SGMS1: variants seen among roughly 807,000 people sequenced by gnomAD.
The protein encoded by SGMS1 is phosphatidylcholine:ceramide cholinephosphotransferase 1.
In SGMS1, 13 loss-of-function variants were observed where a neutral mutation model predicts 46.2. The observed-to-expected ratio is 0.28, with a 90% CI of 0.18 to 0.45. The LOEUF is 0.45. SGMS1 is among the 20% of genes least tolerant of loss of function. The pLI, the probability that SGMS1 is intolerant of heterozygous loss-of-function variation, is 1.00. For missense variants in SGMS1, 324 were observed against 519.9 expected (o/e 0.62, Z 3.66); for synonymous variants, 203 against 187.8 (o/e 1.08, Z -0.66).
chr10:50,604,326 T>C lies in SGMS1; in HGVS notation c.-683-14079A>G, dbSNP rs192157121. Among the ~76,000 whole-genome samples the C allele has an allele frequency of 1.7e-3, 260 of 152,226 alleles. 3 individuals are homozygous for C. In the East Asian group the frequency reaches 0.04, roughly 23 times the overall value. The stretch of plus-strand genomic sequence containing the variant: ...GGCTGAACCGTCGGTGAAATTTACA[T>C]GTGCAACCCAAGCAGAGGTTCCAGG... On this transcript the variant is annotated intron_variant, in intron 1 of 10. Coordinates refer to ENST00000361781, the MANE Select transcript of SGMS1 (RefSeq NM_147156.4).
At chr10:50,402,810 T>C (rs1848960448) in intron 6 of SGMS1, among the ~76,000 whole-genome samples, 1 of 152,074 alleles carries the variant, frequency 6.6e-6, no homozygotes, top group South Asian at 2.1e-4. Context: ...TATAGTGAAG[T>C]CTGGGATATT....
At chr10:50,414,426 T>C (rs938888485) in intron 6 of SGMS1, among the ~76,000 whole-genome samples, 1 of 152,170 alleles carries the variant, frequency 6.6e-6, no homozygotes, top group Non-Finnish European at 1.5e-5. Context: ...ACATTCTGGA[T>C]ATGTGTTTAA....
At chr10:50,569,277 T>A (rs1838316966) in intron 2 of SGMS1, among the ~76,000 whole-genome samples, 1 of 138,826 alleles carries the variant, frequency 7.2e-6, no homozygotes, top group Non-Finnish European at 1.5e-5. Context: ...ATTCTGCACA[T>A]GTATCCCAGA....
At chr10:50,602,568 G>A (rs1838658731) in intron 1 of SGMS1, among the ~76,000 whole-genome samples, 1 of 152,142 alleles carries the variant, frequency 6.6e-6, no homozygotes, top group Non-Finnish European at 1.5e-5. Context: ...ACACTTATCA[G>A]GCACTCTCCT....
intron 8 of SGMS1, 129 bp from the exon 9 acceptor site, chr10:50,311,544 G>C: frequency 2.1e-6 from 1 of 476,948 alleles, no homozygotes. Context: ...CAGGAAGTTT[G>C]CCCACTCAGT....
intron 1 of SGMS1, among the ~76,000 whole-genome samples, chr10:50,596,343 A>AT (rs1201362315): frequency 3.3e-5 from 5 of 152,122 alleles, no homozygotes; most frequent in Admixed American, 6.5e-5. Context: ...CACCTGGCTA[A>AT]TTTTTTGTAT....
chr10:50,415,344 G>C (rs1274808679), intron 6 of SGMS1, among the ~76,000 whole-genome samples: 2 of 152,138 alleles, frequency 1.3e-5, no homozygotes, highest in African/African-American at 4.8e-5. Flanking sequence ...AGACACCAAC[G>C]TAAGTTATGA....
chr10:50,461,913 C>G (rs1194816983), intron 4 of SGMS1, among the ~76,000 whole-genome samples: 2 of 152,078 alleles, frequency 1.3e-5, no homozygotes, highest in African/African-American at 2.4e-5. Context: ...TGTAAATAAT[C>G]AAACATAGGT....
intron 2 of SGMS1, among the ~76,000 whole-genome samples, chr10:50,562,372 AC>A (rs1487960868): frequency 1.3e-5 from 2 of 151,032 alleles, no homozygotes; most frequent in Non-Finnish European, 3.0e-5. Context: ...GCGCACACAC[AC>A]ACACTCACAC....
At chr10:50,313,607 G>A (rs1293154943) in intron 8 of SGMS1, among the ~76,000 whole-genome samples, 2 of 152,082 alleles carry the variant, frequency 1.3e-5, no homozygotes, top group Non-Finnish European at 2.9e-5. Context: ...TTATAACAAT[G>A]GATAAAATGT....
chr10:50,586,456 G>T (rs12570382), intron 2 of SGMS1, among the ~76,000 whole-genome samples: 5,618 of 152,284 alleles, frequency 0.037, 514 homozygotes, highest in East Asian at 0.34. Flanking sequence ...TATACTACAG[G>T]CTCCTCAAGG....
chr10:50,482,594 C>T (rs1248894918), intron 3 of SGMS1, among the ~76,000 whole-genome samples: 1 of 152,304 alleles, frequency 6.6e-6, no homozygotes, highest in African/African-American at 2.4e-5. Context: ...CAAAATCACA[C>T]TGAAGTACAC....
chr10:50,509,856 T>C (rs949667274), intron 3 of SGMS1, among the ~76,000 whole-genome samples: 2 of 152,204 alleles, frequency 1.3e-5, no homozygotes, highest in East Asian at 1.9e-4. Context: ...AAGTGCATCA[T>C]CAATTATTTA....
intron 6 of SGMS1, among the ~76,000 whole-genome samples, chr10:50,375,088 A>C (rs1848503516): frequency 6.6e-6 from 1 of 152,104 alleles, no homozygotes; most frequent in South Asian, 2.1e-4. Context: ...CTGTGACCAC[A>C]GGTTAGGTTA....
At chr10:50,359,682 CAAAA>C (rs34496581) in intron 6 of SGMS1, among the ~76,000 whole-genome samples, 3,178 of 140,334 alleles carry the variant, frequency 0.023, 120 homozygotes, top group African/African-American at 0.079. Flanking sequence ...TTCATTATGG[CAAAA>C]AAAAAAAAAC....
At chr10:50,552,658 C>T (rs1321882519) in intron 2 of SGMS1, among the ~76,000 whole-genome samples, 5 of 152,200 alleles carry the variant, frequency 3.3e-5, no homozygotes, top group Non-Finnish European at 5.9e-5. Flanking sequence ...ATATTTGCCA[C>T]TGTAGTAGGC....
At chr10:50,538,600 T>C (rs1838025236) in intron 2 of SGMS1, among the ~76,000 whole-genome samples, 1 of 152,128 alleles carries the variant, frequency 6.6e-6, no homozygotes, top group African/African-American at 2.4e-5. Context: ...CATTAAATCC[T>C]GATATACACA....
At chr10:50,336,025 A>C (rs745922709) in intron 7 of SGMS1, 1 of 152,268 alleles carries the variant, frequency 6.6e-6, no homozygotes, top group African/African-American at 2.4e-5. Context: ...GAAGCAAAGA[A>C]GACCACCAGT....
intron 8 of SGMS1, among the ~76,000 whole-genome samples, chr10:50,311,961 T>C (rs1238411361): frequency 2.6e-5 from 4 of 152,186 alleles, no homozygotes; most frequent in African/African-American, 9.7e-5. Context: ...TCTCAAATTA[T>C]GTAGGTAACA....
Sources: gnomAD v4.1 joint callset for allele counts (sites outside exome capture counted in the v4.1 genomes callset) on GRCh38, gnomAD v4.1.1 for gene constraint, MANE v1.5 for transcripts, NCBI Gene and HGNC (gene_info 2026-07-23, HGNC 2026-07-21) for gene names.